Variants in AGAP1 observed in about 807,000 individuals in gnomAD.
AGAP1 encodes the protein ArfGAP with GTPase domain, ankyrin repeat and PH domain 1.
In AGAP1, 29 loss-of-function variants were observed where a neutral mutation model predicts 105.3. That is an observed-to-expected ratio of 0.28 (90% CI 0.21 to 0.38). AGAP1 has a LOEUF of 0.38. AGAP1 is among the 10% of genes least tolerant of loss of function. The probability of loss-of-function intolerance (pLI) is 1.00; values close to 1 mark genes in which losing one functional copy is unlikely to be tolerated. For synonymous variants in AGAP1, 509 were observed against 485.9 expected, an observed-to-expected ratio of 1.05 and a Z score of -0.63; for missense variants, 998 against 1,165.1, an observed-to-expected ratio of 0.86 and a Z score of 2.09.
At position 235,904,797 on chromosome 2, in the gene AGAP1, C is replaced by T. The variant is rs140715880; in HGVS notation, c.1156-3941C>T. Among the ~76,000 whole-genome samples, 55 of 152,282 alleles carry T rather than the reference C, an allele frequency of 3.6e-4. No individual in the cohort carries two copies. The East Asian group carries it at 9.1e-3, about 25-fold the overall frequency. On this transcript the variant is annotated intron_variant, in intron 10 of 17. Transcript: ENST00000304032. This position sits in a 1 kb window ranked among gnomAD's most constrained non-coding sequence, Gnocchi z 4.2. ...CTTTCAAAACCAGAAAGCTCAGTGTCGTTTCTCTTGGGAGGAACTTGAAGC... is the reference window on the plus strand; with the variant it reads ...CTTTCAAAACCAGAAAGCTCAGTGTTGTTTCTCTTGGGAGGAACTTGAAGC...
intron 1 of AGAP1, among the ~76,000 whole-genome samples, chr2:235,641,326 C>T (rs1947185730): frequency 1.4e-5 from 1 of 69,652 alleles, no homozygotes; most frequent in Admixed American, 1.5e-4. Flanking sequence ...TCTTTCTCCT[C>T]CCTCCCTCCC....
Position 235,705,169 on chromosome 2 carries a change from A to C in AGAP1, c.164-4010A>C, listed in dbSNP as rs1441055329. 6.6e-6 allele frequency among the ~76,000 whole-genome samples: 1 copy of C among 151,514 alleles called. No homozygotes were observed. The highest frequency in any genetic ancestry group is 1.5e-5 in the Non-Finnish European group (1 of 67,858). On this transcript the variant is annotated intron_variant, in intron 1 of 17. Transcript: ENST00000304032. The surrounding 1 kb of genome is among the most constrained non-coding windows in gnomAD (Gnocchi z 4.9). ...AATTTTTGTATTTTTAGTAGAGACG[A>C]GGTTTCGCCATGTTGGCCAGGCTGG...
At chr2:235,670,375 C>G (rs536685374) in intron 1 of AGAP1, 258 of 549,596 alleles carry the variant, frequency 4.7e-4, no homozygotes, top group African/African-American at 4.6e-3. Context: ...CTTGGGATTT[C>G]CGCACCTTCC....
chr2:235,815,551 C>T (rs758970065), intron 9 of AGAP1, among the ~76,000 whole-genome samples: 16 of 152,266 alleles, frequency 1.1e-4, no homozygotes, highest in East Asian at 3.9e-4. Flanking sequence ...AGAGCTGGGA[C>T]GGGAGCTGAG....
At chr2:235,942,862 A>G (rs2125223250) in intron 12 of AGAP1, among the ~76,000 whole-genome samples, 1 of 152,300 alleles carries the variant, frequency 6.6e-6, no homozygotes, top group Non-Finnish European at 1.5e-5. Context: ...TAGGTAGTAC[A>G]GTATAAAAAG....
intron 3 of AGAP1, among the ~76,000 whole-genome samples, chr2:235,726,702 T>C (rs1951666235): frequency 1.3e-5 from 2 of 152,124 alleles, no homozygotes; most frequent in Admixed American, 1.3e-4. Context: ...CCGCCTGCTC[T>C]GGTCTGGAAG....
rs10208615 is a variant in AGAP1, at chr2:235,959,697, A to G, written c.1484-8765A>G. ...CCGCCATCACCTTCTCAGCACCATG[A>G]TGGCCACTCCCTCGTGTAGCCGGTT... On this transcript the variant is annotated intron_variant, in intron 12 of 17. Coordinates refer to ENST00000304032, the MANE Select transcript of AGAP1 (RefSeq NM_001037131.3). The surrounding 1 kb of genome is among the most constrained non-coding windows in gnomAD (Gnocchi z 7.3). 0.14 allele frequency among the ~76,000 whole-genome samples: 21,026 copies of G among 152,006 alleles called. 3,840 individuals are homozygous for G. Among genetic ancestry groups the G allele is most frequent in the African/African-American group, 0.42 (17,463 of 41,382 alleles).
Position 236,076,435 on chromosome 2 carries a change from A to T in AGAP1, c.2114+27154A>T, listed in dbSNP as rs986840173. Among the ~76,000 whole-genome samples, 11 of 151,446 alleles carry T rather than the reference A, an allele frequency of 7.3e-5. No homozygotes were observed. The highest frequency in any genetic ancestry group is 1.3e-4 in the Non-Finnish European group (9 of 67,888). ...ACTCCAGCCTGGGTGACAGAGTGAG[A>T]CTCCATCTCAAAAAAAAATAAAGTC... is the stretch of plus-strand genomic sequence containing the variant. On this transcript the variant is annotated intron_variant, in intron 16 of 17. Coordinates refer to ENST00000304032, the MANE Select transcript of AGAP1 (RefSeq NM_001037131.3). The surrounding 1 kb of genome is among the most constrained non-coding windows in gnomAD (Gnocchi z 4.4).
rs561139588 is a variant in AGAP1, at chr2:235,973,157, G to A, written c.1645+4534G>A. ...CAGGGTGACCGATGGAAATTGGGCC[G>A]TTCCTGCCCTGGAGTTTCTCCCTGC... is the stretch of plus-strand genomic sequence containing the variant. On this transcript the variant is annotated intron_variant, in intron 13 of 17. Coordinates refer to ENST00000304032, the MANE Select transcript of AGAP1 (RefSeq NM_001037131.3). This position sits in a 1 kb window ranked among gnomAD's most constrained non-coding sequence, Gnocchi z 4.7. Among the ~76,000 whole-genome samples the A allele has an allele frequency of 5.3e-4, 81 of 152,310 alleles. 1 individual carries two copies. The South Asian group carries it at 0.014, about 27-fold the overall frequency.
intron 6 of AGAP1, among the ~76,000 whole-genome samples, chr2:235,761,657 T>C (rs1398807764): frequency 6.6e-6 from 1 of 152,218 alleles, no homozygotes; most frequent in African/African-American, 2.4e-5. Flanking sequence ...AATGATTAAG[T>C]AGTGATGTAC....
intron 1 of AGAP1, among the ~76,000 whole-genome samples, chr2:235,666,859 AAAG>A (rs1948143720): frequency 6.6e-6 from 1 of 152,088 alleles, no homozygotes; most frequent in Non-Finnish European, 1.5e-5. Context: ...CTTTCATATT[AAAG>A]TTCATCTCAG....
In AGAP1 at chr2:235,716,623, A is replaced by G. The variant is rs1438492633; in HGVS notation, c.223-934A>G. ...GATTAGATCATGCTTAAATTTGATC[A>G]CTAGCGATGTTCTAGTGGGGGAGGA... On this transcript the variant is annotated intron_variant, in intron 2 of 17. Transcript: ENST00000304032. The surrounding 1 kb of genome is among the most constrained non-coding windows in gnomAD (Gnocchi z 4.0). 3.9e-5 allele frequency among the ~76,000 whole-genome samples: 6 copies of G among 152,136 alleles called. No individual in the cohort carries two copies. Among genetic ancestry groups the G allele is most frequent in the Non-Finnish European group, 5.9e-5 (4 of 68,036 alleles).
In AGAP1 at chr2:236,123,808, G is replaced by T; in HGVS notation, c.2371-111G>T. ...TGGCACCCCAGCCAGTTGTGTAGCT[G>T]GCCCCGCTGTCCAAGCACAAGCCAC... is the stretch of plus-strand genomic sequence containing the variant. On this transcript the variant is annotated intron_variant, in intron 17 of 17. Transcript: ENST00000304032. The surrounding 1 kb of genome is among the most constrained non-coding windows in gnomAD (Gnocchi z 4.6). 1 of 1,334,156 alleles carries T rather than the reference G, an allele frequency of 7.5e-7. No individual in the cohort carries two copies. Among genetic ancestry groups the T allele is most frequent in the Non-Finnish European group, 1.0e-6 (1 of 961,660 alleles). 82.6% of individuals were successfully genotyped at this position (1,334,156 alleles called of 1,614,324 possible). A position where few individuals can be genotyped will look rare whatever the true frequency, so the allele number is the denominator to read the frequency against.
chr2:235,508,974 A>C (rs1941952789), intron 1 of AGAP1, among the ~76,000 whole-genome samples: 1 of 152,144 alleles, frequency 6.6e-6, no homozygotes, highest in Admixed American at 6.5e-5. Context: ...CCACCACTTT[A>C]GTCGGGGGCG....
At chr2:236,059,204 C>T (rs2058123760) in intron 16 of AGAP1, among the ~76,000 whole-genome samples, 3 of 151,446 alleles carry the variant, frequency 2.0e-5, no homozygotes, top group Admixed American at 2.0e-4. Context: ...TGTACACTAG[C>T]AGTGGACAAT....
intron 10 of AGAP1, among the ~76,000 whole-genome samples, chr2:235,884,126 C>A (rs7424279): frequency 0.46 from 69,350 of 151,708 alleles, 16,417 homozygotes; most frequent in South Asian, 0.73. Context: ...TCATAGCAAA[C>A]CATTCCATAA....
intron 8 of AGAP1, 102 bp from the exon 9 acceptor site, chr2:235,807,137 G>A: frequency 8.3e-7 from 1 of 1,209,322 alleles, no homozygotes. Flanking sequence ...GATCGCGCAT[G>A]TTTTCTAAAT....
intron 11 of AGAP1, among the ~76,000 whole-genome samples, chr2:235,924,907 A>C (rs2052370046): frequency 6.6e-6 from 1 of 151,682 alleles, no homozygotes. Flanking sequence ...TCCCCTGCAA[A>C]ATAACACAGA....
rs1485318901 is a variant in AGAP1, at chr2:235,789,122, CTACTT to C, written c.674-8634_674-8630del. Among the ~76,000 whole-genome samples the C allele has an allele frequency of 3.9e-5, 6 of 152,342 alleles. No individual in the cohort carries two copies. The highest frequency in any genetic ancestry group is 1.4e-4 in the African/African-American group (6 of 41,564). On this transcript the variant is annotated intron_variant, in intron 6 of 17. Coordinates refer to ENST00000304032, the MANE Select transcript of AGAP1 (RefSeq NM_001037131.3). The surrounding 1 kb of genome is among the most constrained non-coding windows in gnomAD (Gnocchi z 4.2). ...TTGAAGTCCCCTTTACCACAAATAA[CTACTT>C]TATACCAGAATTGGATACACATATT... is the stretch of plus-strand genomic sequence containing the variant.
Sources: allele counts gnomAD v4.1 joint callset (sites outside exome capture counted in the v4.1 genomes callset), GRCh38; gene constraint gnomAD v4.1.1; non-coding constraint Gnocchi (gnomAD v3.1); transcripts MANE v1.5; gene names NCBI Gene and HGNC (gene_info 2026-07-23, HGNC 2026-07-21).